Variants in SPOCK3 observed in about 807,000 individuals in gnomAD.
SPOCK3 encodes SPARC (osteonectin), cwcv and kazal like domains proteoglycan 3, also known as testican-3.
A neutral mutation model predicts 56.6 loss-of-function variants in SPOCK3; 30 were observed. The observed-to-expected ratio is 0.53, with a 90% CI of 0.40 to 0.72. SPOCK3 has a LOEUF of 0.72. Among genes scored for constraint, SPOCK3 ranks in the 30% least tolerant of loss-of-function variants. The pLI is 0.00. For synonymous variants in SPOCK3, 196 were observed against 183.3 expected (o/e 1.07, Z -0.56); for missense variants, 527 against 530.0 (o/e 0.99, Z 0.06).
chr4:166,952,017 T>C (rs2150038302), intron 4 of SPOCK3, among the ~76,000 whole-genome samples: 1 of 152,274 alleles, frequency 6.6e-6, no homozygotes, highest in African/African-American at 2.4e-5. Flanking sequence ...CTTTGAAAAC[T>C]GGCACAAGAC....
At chr4:167,073,229 C>T (rs1013318491) in intron 2 of SPOCK3, among the ~76,000 whole-genome samples, 60 of 151,392 alleles carry the variant, frequency 4.0e-4, no homozygotes. Context: ...GTTTATAAGA[C>T]TGTTTAATTA....
At chr4:166,929,937 TCTTTA>T (rs1235716978) in intron 4 of SPOCK3, among the ~76,000 whole-genome samples, 2 of 152,178 alleles carry the variant, frequency 1.3e-5, no homozygotes, top group African/African-American at 4.8e-5. Flanking sequence ...AATGTAGTGG[TCTTTA>T]CTTAGTCTGT....
At chr4:167,150,252 G>A (rs1188690471) in intron 2 of SPOCK3, among the ~76,000 whole-genome samples, 1 of 151,936 alleles carries the variant, frequency 6.6e-6, no homozygotes. Flanking sequence ...ATTATTAGAA[G>A]CATGGTTAGT....
At chr4:166,810,167 C>G (rs566412755) in intron 6 of SPOCK3, among the ~76,000 whole-genome samples, 1 of 152,174 alleles carries the variant, frequency 6.6e-6, no homozygotes, top group Non-Finnish European at 1.5e-5. Flanking sequence ...TGTGTCTTGT[C>G]CTTTATTGCA....
At chr4:167,059,211 G>A (rs2150239139) in intron 3 of SPOCK3, among the ~76,000 whole-genome samples, 1 of 152,156 alleles carries the variant, frequency 6.6e-6, no homozygotes, top group East Asian at 1.9e-4. Flanking sequence ...AGAGTGAACA[G>A]GCAACCTACA....
intron 2 of SPOCK3, among the ~76,000 whole-genome samples, chr4:167,127,804 A>T (rs538722649): frequency 6.6e-6 from 1 of 152,322 alleles, no homozygotes; most frequent in African/African-American, 2.4e-5. Flanking sequence ...AATAGCAAAG[A>T]TCTGAAAAAG....
At chr4:166,912,528 T>G in intron 5 of SPOCK3, 92 bp downstream of exon 5, 1 of 1,218,950 alleles carries the variant, frequency 8.2e-7, no homozygotes, top group Non-Finnish European at 1.2e-6. Flanking sequence ...ATGAATAATT[T>G]GAATTATCAC....
At chr4:166,741,157 G>A (rs1241355344) in intron 9 of SPOCK3, among the ~76,000 whole-genome samples, 1 of 152,182 alleles carries the variant, frequency 6.6e-6, no homozygotes, top group Non-Finnish European at 1.5e-5. Context: ...AATATTGCAT[G>A]TGTGCTGTCA....
chr4:167,205,308 T>C (rs1197276099), intron 2 of SPOCK3, among the ~76,000 whole-genome samples: 1 of 39,242 alleles, frequency 2.5e-5, no homozygotes, highest in Non-Finnish European at 4.8e-5. Context: ...TAATATATAT[T>C]ATATATTTTA....
intron 3 of SPOCK3, among the ~76,000 whole-genome samples, chr4:167,032,668 A>G (rs1413226458): frequency 6.6e-6 from 1 of 151,978 alleles, no homozygotes; most frequent in East Asian, 1.9e-4. Context: ...CTTTATAAAA[A>G]AAAGAAAATA....
chr4:167,064,720 C>T (rs2150251364), intron 2 of SPOCK3, among the ~76,000 whole-genome samples: 1 of 151,808 alleles, frequency 6.6e-6, no homozygotes, highest in South Asian at 2.1e-4. Context: ...TTATTAGCTG[C>T]ATCACTTTAG....
intron 4 of SPOCK3, among the ~76,000 whole-genome samples, chr4:166,937,245 G>A (rs1026931448): frequency 3.3e-5 from 5 of 151,888 alleles, no homozygotes; most frequent in Non-Finnish European, 7.4e-5. Context: ...GAAAATAAAT[G>A]TAATACATTT....
At chr4:166,828,218 T>TATAAATGG (rs1178760486) in intron 6 of SPOCK3, among the ~76,000 whole-genome samples, 6 of 152,140 alleles carry the variant, frequency 3.9e-5, no homozygotes, top group African/African-American at 1.4e-4. Context: ...ATTAATTCCT[T>TATAAATGG]ATAAATGGAA....
intron 2 of SPOCK3, among the ~76,000 whole-genome samples, chr4:167,134,772 C>T (rs564651259): frequency 9.2e-5 from 14 of 152,036 alleles, no homozygotes; most frequent in African/African-American, 3.1e-4. Flanking sequence ...TATTATATTC[C>T]CCACATTGCT....
At chr4:167,169,860 C>T (rs1232364742) in intron 2 of SPOCK3, among the ~76,000 whole-genome samples, 1 of 152,056 alleles carries the variant, frequency 6.6e-6, no homozygotes, top group East Asian at 1.9e-4. Flanking sequence ...ATACTATTCT[C>T]GTGGTAATGA....
At chr4:167,102,803 A>G (rs1759769674) in intron 2 of SPOCK3, among the ~76,000 whole-genome samples, 1 of 151,908 alleles carries the variant, frequency 6.6e-6, no homozygotes, top group African/African-American at 2.4e-5. Context: ...TCTAGGCCAT[A>G]AGGACTGTAA....
chr4:166,914,097 C>G, intron 4 of SPOCK3, among the ~76,000 whole-genome samples: 1 of 151,680 alleles, frequency 6.6e-6, no homozygotes, highest in East Asian at 1.9e-4. Context: ...TTGCACTGAA[C>G]TTTCACTGTG....
At chr4:166,973,776 T>G (rs1022903899) in intron 4 of SPOCK3, among the ~76,000 whole-genome samples, 1 of 152,056 alleles carries the variant, frequency 6.6e-6, no homozygotes, top group Non-Finnish European at 1.5e-5. Context: ...AAAAGATAGA[T>G]CCAAGACTGA....
intron 2 of SPOCK3, among the ~76,000 whole-genome samples, chr4:167,149,777 T>A (rs1207700159): frequency 5.3e-5 from 8 of 151,728 alleles, no homozygotes; most frequent in African/African-American, 1.7e-4. Flanking sequence ...GTTCCTTAAT[T>A]GTAGAGAACG....
Sources: gnomAD v4.1 joint callset for allele counts (sites outside exome capture counted in the v4.1 genomes callset) on GRCh38, gnomAD v4.1.1 for gene constraint, MANE v1.5 for transcripts, NCBI Gene and HGNC (gene_info 2026-07-23, HGNC 2026-07-21) for gene names.